SLC39A11: variants seen among roughly 807,000 people sequenced by gnomAD.
SLC39A11 encodes solute carrier family 39 member 11, also known as zinc transporter ZIP11.
Under a neutral mutation model 36.1 loss-of-function variants are expected in SLC39A11, and 33 were observed. That is an observed-to-expected ratio of 0.91 (90% confidence interval 0.69 to 1.22). The LOEUF (loss-of-function observed/expected upper bound fraction) is 1.22. Among genes scored for constraint, SLC39A11 ranks in the 50% most tolerant of loss-of-function variants. The probability of loss-of-function intolerance (pLI) is 0.00; values close to 1 mark genes in which losing one functional copy is unlikely to be tolerated. For synonymous variants in SLC39A11, 166 were observed against 170.3 expected (o/e 0.97, Z 0.20); for missense variants, 432 against 430.3 (o/e 1.00, Z -0.03).
At chr17:72,947,683 A>C in intron 5 of SLC39A11, 69 bp downstream of exon 5, 1 of 1,608,574 alleles carries the variant, frequency 6.2e-7, no homozygotes, top group South Asian at 1.1e-5. Context: ...ACCAGCCCCC[A>C]CGTCCATATT....
chr17:73,014,425 G>C (rs143079975), intron 4 of SLC39A11, among the ~76,000 whole-genome samples: 9 of 152,318 alleles, frequency 5.9e-5, no homozygotes, highest in South Asian at 2.1e-4. Context: ...GAGAGGCCCA[G>C]GTGGAAGAAC....
chr17:73,087,814 G>T (rs1473496334), intron 2 of SLC39A11, among the ~76,000 whole-genome samples: 1 of 152,002 alleles, frequency 6.6e-6, no homozygotes, highest in Non-Finnish European at 1.5e-5. Flanking sequence ...CCAGGGACAT[G>T]GGTCTGTCTA....
chr17:72,704,314 T>C (rs909376941), intron 7 of SLC39A11, among the ~76,000 whole-genome samples: 3 of 152,202 alleles, frequency 2.0e-5, no homozygotes, highest in African/African-American at 7.2e-5. Flanking sequence ...TTCAAGACTA[T>C]GTAGCTAGTA....
intron 5 of SLC39A11, among the ~76,000 whole-genome samples, chr17:72,882,085 G>A (rs1049691307): frequency 1.3e-5 from 2 of 152,174 alleles, no homozygotes. Context: ...CGGTGTGGTG[G>A]CTCATACCTG....
intron 6 of SLC39A11, among the ~76,000 whole-genome samples, chr17:72,750,107 C>T (rs1219258590): frequency 6.6e-6 from 1 of 152,176 alleles, no homozygotes; most frequent in Non-Finnish European, 1.5e-5. Flanking sequence ...ACCTCTGCAG[C>T]AGGTGGGTGG....
In SLC39A11 at chr17:72,747,034, G is replaced by A. The variant is rs191891616; in HGVS notation, c.602-10315C>T. Among the ~76,000 whole-genome samples, 14 of 152,144 alleles carry A rather than the reference G, an allele frequency of 9.2e-5. 1 individual carries two copies. In the South Asian group the frequency reaches 1.0e-3, roughly 11 times the overall value. On this transcript the variant is annotated intron_variant, in intron 6 of 9. Coordinates refer to ENST00000255559, the MANE Select transcript of SLC39A11 (RefSeq NM_139177.4). ...TGCACTTCAGCCTGGGTGACAGAGC[G>A]AGACTCTGGCTCTAATTTAATAAAC...
intron 3 of SLC39A11, among the ~76,000 whole-genome samples, chr17:73,076,582 T>C (rs968552422): frequency 6.6e-6 from 1 of 152,138 alleles, no homozygotes; most frequent in Admixed American, 6.5e-5. Context: ...CGGTCAACTA[T>C]CTTATAGCCA....
intron 5 of SLC39A11, among the ~76,000 whole-genome samples, chr17:72,864,847 A>T (rs1010114565): frequency 1.3e-5 from 2 of 152,206 alleles, no homozygotes; most frequent in African/African-American, 4.8e-5. Context: ...TGAAAAAGAT[A>T]CAAGAAGCTC....
chr17:72,758,087 T>C (rs2075430357), intron 6 of SLC39A11, among the ~76,000 whole-genome samples: 1 of 152,134 alleles, frequency 6.6e-6, no homozygotes, highest in Non-Finnish European at 1.5e-5. Flanking sequence ...GGTTTCACCA[T>C]GTTGGCCAGG....
At chr17:72,871,610 C>T (rs954394487) in intron 5 of SLC39A11, among the ~76,000 whole-genome samples, 1 of 152,044 alleles carries the variant, frequency 6.6e-6, no homozygotes, top group African/African-American at 2.4e-5. Flanking sequence ...CCCAGAAGGA[C>T]GGGGTTCAGA....
At chr17:72,677,364 C>A (rs1205680542) in intron 7 of SLC39A11, among the ~76,000 whole-genome samples, 7 of 152,218 alleles carry the variant, frequency 4.6e-5, no homozygotes, top group Non-Finnish European at 7.3e-5. Context: ...TGCTACATCA[C>A]AGCAGATGCT....
intron 3 of SLC39A11, among the ~76,000 whole-genome samples, chr17:73,080,729 G>A (rs1203373460): frequency 6.6e-6 from 1 of 152,098 alleles, no homozygotes; most frequent in Non-Finnish European, 1.5e-5. Flanking sequence ...CAGATAATTT[G>A]AGGTCCAGCG....
In SLC39A11 at chr17:72,849,657, G is replaced by C; in HGVS notation, c.578C>G (p.Ala193Gly). ...ACCTGGAACGTTGTGTATAGTGATG[G>C]CCAAGATGAGCAGTGCGATCCTCCT... ...SWRRIALLIL[A>G]ITIHNVPEGL... Residue 193 changes from alanine (A) to glycine (G), a missense_variant, in exon 6 of 10, where the codon GCC (alanine) becomes GGC (glycine). By Grantham distance (60) the Ala-to-Gly change is moderately conservative. Coordinates refer to ENST00000255559, the MANE Select transcript of SLC39A11 (RefSeq NM_139177.4). The C allele has an allele frequency of 6.3e-7, 1 of 1,583,340 alleles. No individual in the cohort carries two copies. The highest frequency in any genetic ancestry group is 2.3e-5 in the East Asian group (1 of 44,258).
chr17:72,801,794 A>G (rs1388708567), intron 6 of SLC39A11, among the ~76,000 whole-genome samples: 1 of 152,222 alleles, frequency 6.6e-6, no homozygotes, highest in Non-Finnish European at 1.5e-5. Flanking sequence ...GCACAACTCT[A>G]TAAATTTACT....
At chr17:72,668,746 G>C (rs2070865668) in intron 7 of SLC39A11, among the ~76,000 whole-genome samples, 2 of 152,184 alleles carry the variant, frequency 1.3e-5, no homozygotes, top group Non-Finnish European at 2.9e-5. Context: ...CAGACACACA[G>C]TGTTCAGAGC....
At chr17:72,750,964 A>T (rs1421755054) in intron 6 of SLC39A11, among the ~76,000 whole-genome samples, 1 of 152,254 alleles carries the variant, frequency 6.6e-6, no homozygotes, top group East Asian at 1.9e-4. Context: ...AGAAGGCAGG[A>T]GGCTGTGCAT....
intron 3 of SLC39A11, among the ~76,000 whole-genome samples, chr17:73,076,809 T>TC (rs956375796): frequency 6.6e-6 from 1 of 150,952 alleles, no homozygotes; most frequent in African/African-American, 2.5e-5. Flanking sequence ...TTTCTTTTTT[T>TC]TTTTTTTTTA....
chr17:73,088,578 C>T (rs1205893794), intron 2 of SLC39A11, 79 bp downstream of exon 2: 2 of 1,167,606 alleles, frequency 1.7e-6, no homozygotes, highest in African/African-American at 1.5e-5. Flanking sequence ...AGTCTACAAA[C>T]CTGCTCCATG....
intron 7 of SLC39A11, among the ~76,000 whole-genome samples, chr17:72,701,705 G>T (rs1424348757): frequency 7.5e-6 from 1 of 133,404 alleles, no homozygotes; most frequent in Non-Finnish European, 1.6e-5. Flanking sequence ...TCCAGCCTGG[G>T]AGACAGAGGG....
Sources: gnomAD v4.1 joint callset for allele counts (sites outside exome capture counted in the v4.1 genomes callset) on GRCh38, gnomAD v4.1.1 for gene constraint, MANE v1.5 for transcripts, NCBI Gene and HGNC (gene_info 2026-07-23, HGNC 2026-07-21) for gene names.